Variants in DAB1 observed in about 807,000 individuals in gnomAD.
The protein encoded by DAB1 is disabled homolog 1.
In DAB1, 15 loss-of-function variants were observed where a neutral mutation model predicts 64.6. That is an observed-to-expected ratio of 0.23 (90% confidence interval 0.16 to 0.36). The LOEUF is 0.36. Ranked by LOEUF, DAB1 falls within the 10% of genes least tolerant of loss-of-function variation. The probability of loss-of-function intolerance (pLI) is 1.00; values close to 1 mark genes in which losing one functional copy is unlikely to be tolerated. For synonymous variants in DAB1, 235 were observed against 251.9 expected (o/e 0.93, Z 0.64); for missense variants, 596 against 706.7 (o/e 0.84, Z 1.78).
intron 3 of DAB1, among the ~76,000 whole-genome samples, chr1:58,351,465 A>G (rs1644056824): frequency 6.6e-6 from 1 of 152,034 alleles, no homozygotes; most frequent in Admixed American, 6.6e-5. Flanking sequence ...TCATAGCCTA[A>G]TGATCAGTGG....
intron 5 of DAB1, among the ~76,000 whole-genome samples, chr1:58,101,082 C>T (rs1485663033): frequency 6.6e-6 from 1 of 152,028 alleles, no homozygotes; most frequent in Non-Finnish European, 1.5e-5. Context: ...TTTAGGAGGC[C>T]GAGGCAGGTG....
intron 3 of DAB1, among the ~76,000 whole-genome samples, chr1:58,467,145 AT>A (rs1311473752): frequency 6.6e-6 from 1 of 152,152 alleles, no homozygotes; most frequent in Admixed American, 6.5e-5. Flanking sequence ...TAGTTTCCTT[AT>A]CTGTGAAAAG....
intron 6 of DAB1, among the ~76,000 whole-genome samples, chr1:57,797,275 A>G (rs1468598496): frequency 6.6e-6 from 1 of 152,204 alleles, no homozygotes; most frequent in Non-Finnish European, 1.5e-5. Flanking sequence ...TTCCTGTCAT[A>G]TGCTAAGAAC....
chr1:57,050,703 C>T (rs1243946926), intron 9 of DAB1, among the ~76,000 whole-genome samples: 1 of 152,212 alleles, frequency 6.6e-6, no homozygotes, highest in Admixed American at 6.5e-5. Flanking sequence ...ATCTTGTACA[C>T]AGCCTCTCAC....
downstream of DAB1, among the ~76,000 whole-genome samples, chr1:57,821,498 C>T (rs1652119205): frequency 1.3e-5 from 2 of 152,314 alleles, no homozygotes; most frequent in South Asian, 4.1e-4. Context: ...GCATTTCTCC[C>T]TTTCCCATTA....
At chr1:57,170,668 T>C (rs1030935704) in intron 2 of DAB1, among the ~76,000 whole-genome samples, 5 of 152,198 alleles carry the variant, frequency 3.3e-5, no homozygotes, top group African/African-American at 1.2e-4. Context: ...GTCCGTGCTC[T>C]CTGATATGGC....
intron 6 of DAB1, among the ~76,000 whole-genome samples, chr1:57,693,748 T>A (rs1470320150): frequency 6.6e-6 from 1 of 151,926 alleles, no homozygotes; most frequent in African/African-American, 2.4e-5. Flanking sequence ...GACCACAAAC[T>A]CACCAGAAGG....
intron 7 of DAB1, among the ~76,000 whole-genome samples, chr1:57,439,160 T>G (rs1208989043): frequency 2.6e-5 from 4 of 151,978 alleles, no homozygotes; most frequent in Admixed American, 2.6e-4. Context: ...GGGGGAAGAA[T>G]GTAAATAGTA....
intron 6 of DAB1, among the ~76,000 whole-genome samples, chr1:57,672,768 G>A (rs2101685925): frequency 6.6e-6 from 1 of 152,100 alleles, no homozygotes; most frequent in African/African-American, 2.4e-5. Flanking sequence ...CCTTAATATA[G>A]CACTTATCAC....
chr1:57,198,703 C>T (rs1664851763), intron 2 of DAB1, among the ~76,000 whole-genome samples: 1 of 147,172 alleles, frequency 6.8e-6, no homozygotes. Context: ...ATCAACTTTT[C>T]CTGGGAGAGT....
chr1:57,123,546 A>C (rs1656857650), intron 4 of DAB1, among the ~76,000 whole-genome samples: 1 of 152,148 alleles, frequency 6.6e-6, no homozygotes, highest in African/African-American at 2.4e-5. Context: ...TAATTTGATC[A>C]AAAAAAGCCC....
intron 2 of DAB1, among the ~76,000 whole-genome samples, chr1:58,524,026 CA>C (rs1412300497): frequency 6.6e-6 from 1 of 152,154 alleles, no homozygotes; most frequent in Non-Finnish European, 1.5e-5. Context: ...GCTTTACAAC[CA>C]AAAGACTGGC....
chr1:58,225,753 T>G (rs680415), intron 4 of DAB1, among the ~76,000 whole-genome samples: 1 of 139,058 alleles, frequency 7.2e-6, no homozygotes, highest in Non-Finnish European at 1.5e-5. Context: ...TAGGTGGGAA[T>G]TGAACAATGA....
intron 3 of DAB1, among the ~76,000 whole-genome samples, chr1:58,487,796 C>A (rs1645602045): frequency 6.6e-6 from 1 of 152,162 alleles, no homozygotes; most frequent in Non-Finnish European, 1.5e-5. Context: ...CCCCCCTCAA[C>A]ACACATATAC....
At chr1:58,389,980 G>C (rs1266291018) in intron 3 of DAB1, among the ~76,000 whole-genome samples, 1 of 151,652 alleles carries the variant, frequency 6.6e-6, no homozygotes, top group Non-Finnish European at 1.5e-5. Context: ...ATAAGAAGGG[G>C]GTTCAAAATC....
At chr1:58,468,374 GATGT>G (rs1351269423) in intron 3 of DAB1, 2 of 152,184 alleles carry the variant, frequency 1.3e-5, no homozygotes, top group Admixed American at 6.5e-5. Flanking sequence ...ATCTTTTTGA[GATGT>G]ATGTATGTTG....
At chr1:57,744,704 G>A (rs1271990114) in intron 6 of DAB1, among the ~76,000 whole-genome samples, 1 of 152,120 alleles carries the variant, frequency 6.6e-6, no homozygotes, top group Non-Finnish European at 1.5e-5. Context: ...AAGAAGATTC[G>A]ATGAGGTACT....
At chr1:57,846,661 T>C (rs1339181124) in intron 1 of DAB1, among the ~76,000 whole-genome samples, 1 of 152,188 alleles carries the variant, frequency 6.6e-6, no homozygotes, top group African/African-American at 2.4e-5. Context: ...GAGAAAACTT[T>C]GATTTCATGT....
chr1:57,744,955 A>C (rs995780892), intron 6 of DAB1, among the ~76,000 whole-genome samples: 4 of 152,184 alleles, frequency 2.6e-5, no homozygotes, highest in Non-Finnish European at 5.9e-5. Flanking sequence ...AGAACCCTGT[A>C]CATTTCTAAG....
Sources: gnomAD v4.1 joint callset for allele counts (sites outside exome capture counted in the v4.1 genomes callset) on GRCh38, gnomAD v4.1.1 for gene constraint, MANE v1.5 for transcripts, NCBI Gene and HGNC (gene_info 2026-07-23, HGNC 2026-07-21) for gene names.